The following GBA1 variants were observed in gnomAD, a reference collection of about 807,000 sequenced individuals.
GBA1 encodes the protein lysosomal acid glucosylceramidase.
At chr1:155,241,478 G>A in the GBA1 span, among the ~76,000 whole-genome samples, 2 of 152,062 alleles carry the variant, frequency 1.3e-5, no homozygotes, top group South Asian at 4.1e-4. Flanking sequence ...CAGAGGATGG[G>A]AACCACAGCA....
chr1:155,235,805 G>T, the GBA1 span: 3 of 1,614,262 alleles, frequency 1.9e-6, no homozygotes, highest in Admixed American at 5.0e-5. Flanking sequence ...TTCAGGGCAA[G>T]GTTCCAGTCG....
chr1:155,239,970 T>C, the GBA1 span: 1 of 1,613,726 alleles, frequency 6.2e-7, no homozygotes, highest in South Asian at 1.1e-5. Flanking sequence ...CGGCTGAAGG[T>C]ACCAAGGGCA....
the GBA1 span, chr1:155,237,806 G>A: frequency 4.4e-6 from 4 of 910,280 alleles, no homozygotes; most frequent in Non-Finnish European, 3.3e-6. Flanking sequence ...GAAGGCTGAG[G>A]CAGGAGAATT....
the GBA1 span, among the ~76,000 whole-genome samples, chr1:155,243,669 T>TG: frequency 6.6e-6 from 1 of 152,216 alleles, no homozygotes; most frequent in Non-Finnish European, 1.5e-5. Context: ...CTTACTGTGT[T>TG]GCGCAGGTTG....
chr1:155,240,071 C>T, the GBA1 span: 4 of 1,613,382 alleles, frequency 2.5e-6, no homozygotes, highest in South Asian at 2.2e-5. Context: ...GATGCAGGGG[C>T]GGGCACCTGG....
At chr1:155,242,746 C>A in the GBA1 span, among the ~76,000 whole-genome samples, 9 of 150,592 alleles carry the variant, frequency 6.0e-5, no homozygotes, top group African/African-American at 2.2e-4. Flanking sequence ...GAGCCCACCA[C>A]CATGCCCAGC....
At chr1:155,238,628 C>G in the GBA1 span, 7 of 1,613,412 alleles carry the variant, frequency 4.3e-6, no homozygotes, top group African/African-American at 1.3e-5. Flanking sequence ...CCATGGGTAC[C>G]CGGATGATGT....
the GBA1 span, among the ~76,000 whole-genome samples, chr1:155,243,729 T>C: frequency 3.3e-5 from 5 of 152,178 alleles, no homozygotes; most frequent in African/African-American, 7.2e-5. Context: ...CTTTGCAAAG[T>C]GCTGGGATTA....
chr1:155,242,322 G>A, the GBA1 span, among the ~76,000 whole-genome samples: 13 of 151,948 alleles, frequency 8.6e-5, no homozygotes, highest in African/African-American at 2.2e-4. Context: ...TCCTGGGTTC[G>A]AGTGATTCTC....
At chr1:155,236,188 G>A in the GBA1 span, 3 of 1,448,656 alleles carry the variant, frequency 2.1e-6, no homozygotes, top group Non-Finnish European at 1.9e-6. Flanking sequence ...AGTCTTTGGT[G>A]AAACTAGTAA....
the GBA1 span, among the ~76,000 whole-genome samples, chr1:155,242,284 G>T: frequency 2.7e-5 from 4 of 150,254 alleles, no homozygotes; most frequent in African/African-American, 9.8e-5. Context: ...GTGCAGTGGC[G>T]TGATCTTGGC....
At chr1:155,237,914 A>G in the GBA1 span, 1,439 of 666,280 alleles carry the variant, frequency 2.2e-3, 19 homozygotes, top group Non-Finnish European at 4.1e-4. Context: ...AAAAAAAAAA[A>G]AAAGAAGAAA....
the GBA1 span, chr1:155,235,253 G>A: frequency 3.1e-6 from 5 of 1,613,758 alleles, no homozygotes; most frequent in African/African-American, 6.7e-5. Context: ...ACTGCGTCCA[G>A]GTCGTTCTTC....
At chr1:155,239,670 C>A in the GBA1 span, 1 of 1,614,070 alleles carries the variant, frequency 6.2e-7, no homozygotes, top group South Asian at 1.1e-5. Context: ...GGTGACAGGG[C>A]AAGGATGTTG....
chr1:155,239,859 C>G, the GBA1 span: 8 of 1,613,922 alleles, frequency 5.0e-6, no homozygotes, highest in Non-Finnish European at 6.8e-6. Context: ...CCAGCCTGGC[C>G]CAGGGGGTGA....
the GBA1 span, chr1:155,237,370 G>A: frequency 1.9e-5 from 30 of 1,613,904 alleles, no homozygotes; most frequent in South Asian, 2.3e-4. Context: ...AGCAGCAAGC[G>A]TTGGTCATCC....
chr1:155,240,122 T>G, the GBA1 span: 735 of 1,551,944 alleles, frequency 4.7e-4, 1 homozygote, highest in Non-Finnish European at 6.0e-4. Context: ...GATGAAGACA[T>G]GGAGAATGGA....
chr1:155,239,995 G>A, the GBA1 span: 2 of 1,614,118 alleles, frequency 1.2e-6, no homozygotes, highest in Non-Finnish European at 1.7e-6. Flanking sequence ...AGGTCGGGGG[G>A]TCAAAGGAGT....
chr1:155,240,371 A>C, the GBA1 span: 1 of 602,326 alleles, frequency 1.7e-6, no homozygotes. Context: ...AGCTGAAGCA[A>C]GAGAATCGCT....
Sources: allele counts gnomAD v4.1 joint callset (sites outside exome capture counted in the v4.1 genomes callset), GRCh38; gene constraint gnomAD v4.1.1; transcripts MANE v1.5; gene names NCBI Gene and HGNC (gene_info 2026-07-23, HGNC 2026-07-21).